Variants in PCBP3 observed in about 807,000 individuals in gnomAD.
PCBP3 encodes the protein poly(rC) binding protein 3.
In PCBP3, 25 loss-of-function variants were observed where a neutral mutation model predicts 52.7. The observed-to-expected ratio is 0.47, with a 90% CI of 0.35 to 0.66. PCBP3 has a LOEUF of 0.66. PCBP3 is among the 30% of genes least tolerant of loss of function. The probability of loss-of-function intolerance (pLI) is 0.01; values close to 1 mark genes in which losing one functional copy is unlikely to be tolerated. For synonymous variants in PCBP3, 162 were observed against 183.0 expected, an observed-to-expected ratio of 0.89 and a Z score of 0.93; for missense variants, 391 against 490.3, an observed-to-expected ratio of 0.80 and a Z score of 1.91.
intron 4 of PCBP3, among the ~76,000 whole-genome samples, chr21:45,844,707 G>T (rs547952874): frequency 6.6e-6 from 1 of 152,094 alleles, no homozygotes; most frequent in East Asian, 1.9e-4. Context: ...CACAAAAGTG[G>T]CAACGTTAGG....
chr21:45,867,068 C>A (rs1328211543), intron 5 of PCBP3, among the ~76,000 whole-genome samples: 1 of 152,210 alleles, frequency 6.6e-6, no homozygotes, highest in African/African-American at 2.4e-5. Context: ...GGTATCTATT[C>A]AAAAACACGG....
chr21:45,683,424 A>G (rs2081967252), intron 2 of PCBP3, among the ~76,000 whole-genome samples: 1 of 152,214 alleles, frequency 6.6e-6, no homozygotes, highest in South Asian at 2.1e-4. Context: ...TGGGTTAGAC[A>G]CAGCAAAGTA....
At chr21:45,894,133 G>T in intron 5 of PCBP3, 4 of 631,846 alleles carry the variant, frequency 6.3e-6, no homozygotes, top group Non-Finnish European at 7.9e-6. Flanking sequence ...TGGGGCTCTG[G>T]GCACTGAGTC....
Position 45,810,304 on chromosome 21 carries a change from A to ATCTCAGCTCACGGCAG in PCBP3, c.-125-39650_-125-39635dup, listed in dbSNP as rs533526780. Among the ~76,000 whole-genome samples, 303 of 151,534 alleles carry ATCTCAGCTCACGGCAG rather than the reference A, an allele frequency of 2.0e-3. 2 individuals carry two copies. Among genetic ancestry groups the ATCTCAGCTCACGGCAG allele is most frequent in the African/African-American group, 6.9e-3 (284 of 41,222 alleles). On this transcript the variant is annotated intron_variant, in intron 4 of 17. Transcript: ENST00000681687. Reference sequence around the variant, plus strand: ...GCCCAGGCTGGAGTGCAGTGGCACGATCTCAGCTCACGGCAGTCTCAGTCT... The same window carrying ATCTCAGCTCACGGCAG: ...GCCCAGGCTGGAGTGCAGTGGCACGATCTCAGCTCACGGCAGTCTCAGCTCACGGCAGTCTCAGTCT...
At chr21:45,682,509 T>G (rs1169120787) in intron 2 of PCBP3, among the ~76,000 whole-genome samples, 1 of 152,092 alleles carries the variant, frequency 6.6e-6, no homozygotes, top group Non-Finnish European at 1.5e-5. Flanking sequence ...AAAAACTGAG[T>G]GCACTTATCC....
At chr21:45,893,958 G>A (rs1475851746) in intron 5 of PCBP3, 1 of 985,432 alleles carries the variant, frequency 1.0e-6, no homozygotes, top group Admixed American at 6.1e-5. Context: ...AGCTGGGAAG[G>A]ACAGCAGCAG....
rs960763669 is a variant in PCBP3 at position 45,830,671 on chromosome 21, C to T, written c.-125-19290C>T. 2 of 152,246 alleles carry T rather than the reference C, an allele frequency of 1.3e-5. No individual in the cohort carries two copies. The highest frequency in any genetic ancestry group is 2.9e-5 in the Non-Finnish European group (2 of 68,052). The allele number at this position is 152,246 out of a possible 1,614,324, so 9.4% of individuals were successfully genotyped here. The stretch of plus-strand genomic sequence containing the variant: ...TGGGACAGCAGCCGCCCCTTTCCAC[C>T]CCTTCCCCACTGCCTGGGTTGGTGA... On this transcript the variant is annotated intron_variant, in intron 4 of 17. Transcript: ENST00000681687. This position sits in a 1 kb window ranked among gnomAD's most constrained non-coding sequence, Gnocchi z 4.4.
rs375269198 is a variant in PCBP3, at chr21:45,880,149, G to A, written c.11-16059G>A. 5.9e-5 allele frequency among the ~76,000 whole-genome samples: 9 copies of A among 152,210 alleles called. No homozygotes were observed. The highest frequency in any genetic ancestry group is 1.2e-4 in the African/African-American group (5 of 41,456). Reference sequence around the variant, plus strand: ...TTTTTATTGACAAGACGTTCCTGTCGTGAGTGGTTTTCCTCTGGCCTCTTC... The same window carrying A: ...TTTTTATTGACAAGACGTTCCTGTCATGAGTGGTTTTCCTCTGGCCTCTTC... On this transcript the variant is annotated intron_variant, in intron 5 of 17. Transcript: ENST00000681687. The surrounding 1 kb of genome is among the most constrained non-coding windows in gnomAD (Gnocchi z 5.4).
chr21:45,824,548 G>A (rs1348974463), intron 4 of PCBP3, among the ~76,000 whole-genome samples: 2 of 152,234 alleles, frequency 1.3e-5, no homozygotes, highest in Non-Finnish European at 2.9e-5. Flanking sequence ...GAACCAGCCT[G>A]TGTTCACAGT....
intron 4 of PCBP3, among the ~76,000 whole-genome samples, chr21:45,796,416 C>T (rs2091921865): frequency 1.3e-5 from 2 of 152,154 alleles, no homozygotes; most frequent in Non-Finnish European, 2.9e-5. Flanking sequence ...CCTCAGTTTC[C>T]TCTTTGGGAT....
chr21:45,717,799 T>G (rs528282751), intron 2 of PCBP3, among the ~76,000 whole-genome samples: 1 of 152,248 alleles, frequency 6.6e-6, no homozygotes, highest in Non-Finnish European at 1.5e-5. Context: ...GGTTTTCTCT[T>G]GATGTCTTTG....
chr21:45,931,259 A>G (rs3788239), intron 15 of PCBP3, among the ~76,000 whole-genome samples: 7,947 of 152,344 alleles, frequency 0.052, 494 homozygotes, highest in African/African-American at 0.14. Context: ...TTCAGTGACC[A>G]AGGCCATGAA....
intron 4 of PCBP3, among the ~76,000 whole-genome samples, chr21:45,769,551 G>A (rs1257993741): frequency 6.6e-6 from 1 of 152,266 alleles, no homozygotes. Flanking sequence ...CGCCTATCCA[G>A]GCCGGTCTTG....
At chr21:45,872,427 T>C (rs1342032190) in intron 5 of PCBP3, 1 of 152,238 alleles carries the variant, frequency 6.6e-6, no homozygotes. Flanking sequence ...ACCCACCCAC[T>C]TCTGTGAAAA....
chr21:45,707,332 A>G (rs184865063), intron 2 of PCBP3, among the ~76,000 whole-genome samples: 123 of 152,154 alleles, frequency 8.1e-4, no homozygotes, highest in African/African-American at 2.9e-3. Context: ...CCTGGTTAAC[A>G]TGGTGAAACC....
At position 45,940,152 on chromosome 21, in the gene PCBP3, G is replaced by A. The variant is rs760592011; in HGVS notation, c.1032G>A (p.Thr344=). 25 of 1,613,940 alleles carry A rather than the reference G, an allele frequency of 1.5e-5. No individual in the cohort carries two copies. The highest frequency in any genetic ancestry group is 6.7e-5 in the Admixed American group (4 of 59,996). Reference sequence around the variant, plus strand: ...CCTCAGAGCGTCAGATCACCATCACGGGGACCCCGGCCAACATCAGCCTTG... The same window carrying A: ...CCTCAGAGCGTCAGATCACCATCACAGGGACCCCGGCCAACATCAGCCTTG... ...EGSSERQITI[T]GTPANISLAQ... is the part of the protein sequence containing the mutation. Residue 344 remains threonine, a synonymous_variant, in exon 17 of 18, where the codon ACG becomes ACA. Coordinates refer to ENST00000681687, the MANE Select transcript of PCBP3 (RefSeq NM_001384156.1).
In PCBP3 at chr21:45,750,121, C is replaced by T. The variant is rs538567185; in HGVS notation, c.-161-5296C>T. On this transcript the variant is annotated intron_variant, in intron 3 of 17. Coordinates refer to ENST00000681687, the MANE Select transcript of PCBP3 (RefSeq NM_001384156.1). ...ATTGTGCTTCCTCAGGGCCTCACCTCGCCAGGTGCGGAGCAACGCTCTGCC... is the reference window on the plus strand; with the variant it reads ...ATTGTGCTTCCTCAGGGCCTCACCTTGCCAGGTGCGGAGCAACGCTCTGCC... The T allele has an allele frequency of 5.9e-5, 9 of 152,442 alleles. No homozygotes were observed. The East Asian group carries it at 7.7e-4, about 13-fold the overall frequency. The allele number at this position is 152,442 out of a possible 1,614,324, so 9.4% of individuals were successfully genotyped here.
chr21:45,725,577 T>C (rs2084964181), intron 2 of PCBP3, among the ~76,000 whole-genome samples: 1 of 152,198 alleles, frequency 6.6e-6, no homozygotes, highest in Admixed American at 6.5e-5. Context: ...CACAGTGCTC[T>C]TCCCGGTCTC....
At chr21:45,696,079 C>CAAAAA (rs71185164) in intron 2 of PCBP3, among the ~76,000 whole-genome samples, 5 of 39,630 alleles carry the variant, frequency 1.3e-4, no homozygotes, top group African/African-American at 3.7e-4. Context: ...GACTCTGTCT[C>CAAAAA]AAAAAAAAAA....
Sources: allele counts gnomAD v4.1 joint callset (sites outside exome capture counted in the v4.1 genomes callset), GRCh38; gene constraint gnomAD v4.1.1; non-coding constraint Gnocchi (gnomAD v3.1); transcripts MANE v1.5; gene names NCBI Gene and HGNC (gene_info 2026-07-23, HGNC 2026-07-21).